The following CSMD1 variants were observed in gnomAD, a reference collection of about 807,000 sequenced individuals.
CSMD1 encodes CUB and Sushi multiple domains 1.
A neutral mutation model predicts 417.5 loss-of-function variants in CSMD1; 213 were observed. The ratio of observed to expected loss-of-function variants is 0.51; its 90% CI spans 0.46 to 0.57. The LOEUF is 0.57. CSMD1 is among the 20% of genes least tolerant of loss of function. CSMD1 has a pLI of 0.00. For missense variants in CSMD1, 6,923 were observed against 4,529.7 expected (o/e 1.53, Z -15.17); for synonymous variants, 2,862 against 1,736.8 (o/e 1.65, Z -16.11).
At chr8:4,397,603 C>T (rs921984158) in intron 3 of CSMD1, among the ~76,000 whole-genome samples, 3 of 129,456 alleles carry the variant, frequency 2.3e-5, no homozygotes, top group Non-Finnish European at 4.7e-5. Context: ...ACCTGAGATT[C>T]ACTTTTATTT....
intron 1 of CSMD1, among the ~76,000 whole-genome samples, chr8:4,736,311 G>A (rs774717216): frequency 6.6e-6 from 1 of 152,132 alleles, no homozygotes; most frequent in Non-Finnish European, 1.5e-5. Context: ...GGAAAATTTA[G>A]GTAGTTGATT....
At chr8:3,960,577 G>A (rs1386256193) in intron 5 of CSMD1, among the ~76,000 whole-genome samples, 2 of 151,938 alleles carry the variant, frequency 1.3e-5, no homozygotes, top group Non-Finnish European at 2.9e-5. Flanking sequence ...TTTAATTACT[G>A]ATAAAGCAAA....
chr8:3,705,029 T>A (rs1801087721), intron 7 of CSMD1, among the ~76,000 whole-genome samples: 1 of 152,174 alleles, frequency 6.6e-6, no homozygotes, highest in Non-Finnish European at 1.5e-5. Context: ...CCTTGAACAT[T>A]TTCTATCACC....
intron 2 of CSMD1, among the ~76,000 whole-genome samples, chr8:4,596,388 G>C (rs978719904): frequency 6.6e-6 from 1 of 152,076 alleles, no homozygotes; most frequent in African/African-American, 2.4e-5. Context: ...ATGATTTCTA[G>C]ACTGAATCGT....
intron 3 of CSMD1, among the ~76,000 whole-genome samples, chr8:4,388,478 C>T (rs1803620243): frequency 1.3e-5 from 2 of 150,470 alleles, no homozygotes; most frequent in Admixed American, 1.3e-4. Context: ...CATATGTTCT[C>T]ACTGATATGT....
Position 4,095,566 on chromosome 8 carries a change from G to A in CSMD1, c.416-63467C>T, listed in dbSNP as rs117168002. On this transcript the variant is annotated intron_variant, in intron 3 of 69. Transcript: ENST00000635120. ...AACTTTTAAGGAACTGGGAATAAATGTATTTGGGAGAGTCAAAGAAAACCA... is the reference window on the plus strand; with the variant it reads ...AACTTTTAAGGAACTGGGAATAAATATATTTGGGAGAGTCAAAGAAAACCA... Among the ~76,000 whole-genome samples the A allele has an allele frequency of 5.9e-5, 9 of 152,288 alleles. No homozygotes were observed. In the East Asian group the frequency reaches 1.2e-3, roughly 20 times the overall value.
At chr8:3,936,271 A>G (rs1474134851) in intron 5 of CSMD1, among the ~76,000 whole-genome samples, 1 of 152,212 alleles carries the variant, frequency 6.6e-6, no homozygotes, top group African/African-American at 2.4e-5. Context: ...GTTATCCAGA[A>G]GATCTAGCTA....
intron 20 of CSMD1, among the ~76,000 whole-genome samples, chr8:3,366,660 A>C (rs761894425): frequency 6.6e-6 from 1 of 152,184 alleles, no homozygotes; most frequent in African/African-American, 2.4e-5. Flanking sequence ...AAACCAATGC[A>C]ATCAGGTGAC....
chr8:3,759,860 G>T (rs1310813332), intron 5 of CSMD1, among the ~76,000 whole-genome samples: 2 of 144,596 alleles, frequency 1.4e-5, no homozygotes, highest in Non-Finnish European at 3.0e-5. Context: ...GTGACCCGGA[G>T]ATTGCACTGT....
intron 3 of CSMD1, among the ~76,000 whole-genome samples, chr8:4,268,589 C>T (rs1443994514): frequency 6.6e-6 from 1 of 152,210 alleles, no homozygotes; most frequent in South Asian, 2.1e-4. Flanking sequence ...TTTCCAAAGA[C>T]TTATTTTTGC....
intron 2 of CSMD1, among the ~76,000 whole-genome samples, chr8:4,439,032 T>A (rs1382423536): frequency 6.6e-6 from 1 of 152,152 alleles, no homozygotes; most frequent in East Asian, 1.9e-4. Flanking sequence ...TAAACTATAT[T>A]CTTTTTAGTA....
At chr8:4,346,622 A>G (rs1380136081) in intron 3 of CSMD1, among the ~76,000 whole-genome samples, 1 of 152,228 alleles carries the variant, frequency 6.6e-6, no homozygotes, top group African/African-American at 2.4e-5. Context: ...ATCAAATTTA[A>G]AAGAAAAAAA....
chr8:4,052,574 C>G (rs2554541), intron 3 of CSMD1, among the ~76,000 whole-genome samples: 2 of 152,054 alleles, frequency 1.3e-5, no homozygotes, highest in Non-Finnish European at 2.9e-5. Context: ...GAGAAAATCA[C>G]GAAATTCTTG....
chr8:3,760,770 C>T (rs193019882), intron 5 of CSMD1, among the ~76,000 whole-genome samples: 7 of 152,254 alleles, frequency 4.6e-5, no homozygotes, highest in Admixed American at 6.5e-5. Context: ...AGAGAAATGT[C>T]TGGGGGTCCC....
chr8:3,595,391 G>A (rs565022136), intron 8 of CSMD1, among the ~76,000 whole-genome samples: 1 of 152,066 alleles, frequency 6.6e-6, no homozygotes, highest in Non-Finnish European at 1.5e-5. Context: ...GTCTTTTCTG[G>A]GTCATTTTTT....
chr8:4,439,266 C>G (rs1021905070), intron 2 of CSMD1, among the ~76,000 whole-genome samples: 1 of 152,052 alleles, frequency 6.6e-6, no homozygotes, highest in African/African-American at 2.4e-5. Flanking sequence ...AATTAAACAA[C>G]TACTAAATTG....
intron 1 of CSMD1, among the ~76,000 whole-genome samples, chr8:4,717,624 A>T (rs190424926): frequency 1.3e-3 from 193 of 151,926 alleles, no homozygotes; most frequent in Admixed American, 2.2e-3. Context: ...GGAACTATAT[A>T]TATTTCTACA....
Position 3,471,582 on chromosome 8 carries a change from C to T in CSMD1, c.1449-2758G>A, listed in dbSNP as rs76960063. Among the ~76,000 whole-genome samples the T allele has an allele frequency of 2.0e-3, 286 of 140,864 alleles. 4 individuals carry two copies. The highest frequency in any genetic ancestry group is 7.1e-3 in the African/African-American group (273 of 38,222). The allele number at this position is 140,864 out of a possible 152,430, so 92.4% of individuals were successfully genotyped here. ...CCTCCCTCCTTCCTTCTTCCTCTCT[C>T]CTTCCTTCCCTCCCTCCTTCTTCCT... is the stretch of plus-strand genomic sequence containing the variant. On this transcript the variant is annotated intron_variant, in intron 11 of 69. Transcript: ENST00000635120.
chr8:4,030,653 G>C (rs930222468), intron 4 of CSMD1, among the ~76,000 whole-genome samples: 3 of 152,168 alleles, frequency 2.0e-5, no homozygotes, highest in African/African-American at 4.8e-5. Context: ...TTTCCCCATG[G>C]TCTTGGGGAT....
Sources: gnomAD v4.1 joint callset for allele counts (sites outside exome capture counted in the v4.1 genomes callset) on GRCh38, gnomAD v4.1.1 for gene constraint, MANE v1.5 for transcripts, NCBI Gene and HGNC (gene_info 2026-07-23, HGNC 2026-07-21) for gene names.